The following MAP2K6 variants were observed in gnomAD, a reference collection of about 807,000 sequenced individuals.
MAP2K6 encodes dual specificity mitogen-activated protein kinase kinase 6.
In MAP2K6, 16 loss-of-function variants were observed where a neutral mutation model predicts 53.7. That is an observed-to-expected ratio of 0.30 (90% CI 0.20 to 0.45). The LOEUF is 0.45. MAP2K6 is among the 20% of genes least tolerant of loss of function. The pLI, the probability that MAP2K6 is intolerant of heterozygous loss-of-function variation, is 1.00. For missense variants in MAP2K6, 204 were observed against 411.9 expected, an observed-to-expected ratio of 0.50 and a Z score of 4.37; for synonymous variants, 132 against 143.1, an observed-to-expected ratio of 0.92 and a Z score of 0.55.
intron 1 of MAP2K6, among the ~76,000 whole-genome samples, chr17:69,456,992 C>T (rs866863468): frequency 5.3e-5 from 8 of 152,320 alleles, no homozygotes; most frequent in Middle Eastern, 6.8e-3. Context: ...GCCGTGCATA[C>T]GGAATCCTCT....
intron 1 of MAP2K6, among the ~76,000 whole-genome samples, chr17:69,479,630 C>T (rs1429371021): frequency 6.6e-6 from 1 of 151,832 alleles, no homozygotes; most frequent in African/African-American, 2.4e-5. Context: ...AGAATCTGAG[C>T]AATGACTTGG....
At position 69,437,382 on chromosome 17, in the gene MAP2K6, C is replaced by T. The variant is rs374410920; in HGVS notation, c.16+22382C>T. Among the ~76,000 whole-genome samples the T allele has an allele frequency of 5.1e-4, 77 of 151,862 alleles. 3 individuals carry two copies. In the South Asian group the frequency reaches 0.015, roughly 30 times the overall value. On this transcript the variant is annotated intron_variant, in intron 1 of 11. Transcript: ENST00000590474. ...CCTCATCGTCTTCACATTGAGTAGG[C>T]TAAGGAGGAGGAGGAAGAAGAGGGG... is the stretch of plus-strand genomic sequence containing the variant.
chr17:69,541,582 A>C, intron 11 of MAP2K6, 94 bp from the exon 12 acceptor site: 3 of 914,406 alleles, frequency 3.3e-6, no homozygotes, highest in Non-Finnish European at 5.1e-6. Flanking sequence ...AGGGATACTT[A>C]ATCCCTGTAC....
chr17:69,489,056 A>G (rs1252557563), intron 1 of MAP2K6, among the ~76,000 whole-genome samples: 1 of 152,032 alleles, frequency 6.6e-6, no homozygotes, highest in East Asian at 1.9e-4. Flanking sequence ...CCCCGTCTCT[A>G]GTAAAAATAC....
intron 8 of MAP2K6, 100 bp from the exon 9 acceptor site, chr17:69,524,801 C>T (rs1419343740): frequency 2.5e-6 from 2 of 808,428 alleles, no homozygotes; most frequent in Non-Finnish European, 4.2e-6. Context: ...TATAACAACT[C>T]ACTTGGCAGC....
chr17:69,504,986 T>C (rs1288384278), intron 1 of MAP2K6, among the ~76,000 whole-genome samples: 1 of 152,122 alleles, frequency 6.6e-6, no homozygotes, highest in Non-Finnish European at 1.5e-5. Flanking sequence ...TTTTTTATTC[T>C]ACTTCCATTG....
Position 69,493,021 on chromosome 17 carries a change from C to T in MAP2K6, c.17-12759C>T, listed in dbSNP as rs550387898. Among the ~76,000 whole-genome samples, 10 of 152,142 alleles carry T rather than the reference C, an allele frequency of 6.6e-5. No homozygotes were observed. In the South Asian group the frequency reaches 8.3e-4, roughly 13 times the overall value. ...ATTGTGAAAAGCAAGAAAGAATTCT[C>T]TTAAAGTGAGGATCAAATGAAGATG... On this transcript the variant is annotated intron_variant, in intron 1 of 11. Transcript: ENST00000590474.
intron 10 of MAP2K6, among the ~76,000 whole-genome samples, chr17:69,533,740 T>G (rs1911209684): frequency 6.6e-6 from 1 of 151,878 alleles, no homozygotes; most frequent in Non-Finnish European, 1.5e-5. Context: ...TGTTTGTTTT[T>G]TTTTTTTTTT....
At chr17:69,468,130 C>T (rs776284596) in intron 1 of MAP2K6, among the ~76,000 whole-genome samples, 10 of 152,194 alleles carry the variant, frequency 6.6e-5, no homozygotes, top group Non-Finnish European at 1.2e-4. Flanking sequence ...CACCCCTTCC[C>T]GCATTCCTAG....
intron 1 of MAP2K6, among the ~76,000 whole-genome samples, chr17:69,488,922 T>C (rs1230826361): frequency 1.3e-5 from 2 of 151,834 alleles, no homozygotes; most frequent in East Asian, 3.9e-4. Context: ...AAAACTGCAG[T>C]TATAGAAATA....
chr17:69,419,336 A>G (rs955498609), intron 1 of MAP2K6, among the ~76,000 whole-genome samples: 1 of 152,196 alleles, frequency 6.6e-6, no homozygotes, highest in Non-Finnish European at 1.5e-5. Context: ...ATATATTGCT[A>G]AATTGCCCTT....
At chr17:69,452,873 A>G (rs1182038987) in intron 1 of MAP2K6, among the ~76,000 whole-genome samples, 1 of 152,248 alleles carries the variant, frequency 6.6e-6, no homozygotes, top group Admixed American at 6.5e-5. Context: ...GCATAATATA[A>G]AATGTCTTTG....
chr17:69,446,053 G>T (rs961078556), intron 1 of MAP2K6, among the ~76,000 whole-genome samples: 2 of 152,168 alleles, frequency 1.3e-5, no homozygotes, highest in African/African-American at 4.8e-5. Flanking sequence ...TTTTAAGCAA[G>T]AAAAGAAGTG....
chr17:69,509,292 A>T (rs866045497), intron 2 of MAP2K6, among the ~76,000 whole-genome samples: 2 of 152,228 alleles, frequency 1.3e-5, no homozygotes, highest in South Asian at 2.1e-4. Context: ...CAGCATTTTT[A>T]TAATACAATT....
At chr17:69,465,490 A>C (rs1907764607) in intron 1 of MAP2K6, among the ~76,000 whole-genome samples, 1 of 152,164 alleles carries the variant, frequency 6.6e-6, no homozygotes, top group Non-Finnish European at 1.5e-5. Flanking sequence ...CCTACTGTAC[A>C]CTTGGCAGCA....
Position 69,547,892 on chromosome 17 carries a change from G to A in MAP2K6, c.*6139G>A, listed in dbSNP as rs1189852694. ...CTGTAGTGTGGTTTATACACAAGGA[G>A]AATCACGAACCCAGACACTAGTCAA... is the stretch of plus-strand genomic sequence containing the variant. On this transcript the variant is annotated 3_prime_UTR_variant, in exon 12 of 12. Transcript: ENST00000590474. The A allele has an allele frequency of 6.6e-6, 1 of 152,138 alleles. No individual in the cohort carries two copies. The highest frequency in any genetic ancestry group is 1.5e-5 in the Non-Finnish European group (1 of 68,032). The allele number at this position is 152,138 out of a possible 1,614,324, so 9.4% of individuals were successfully genotyped here. A position where few individuals can be genotyped will look rare whatever the true frequency, so the allele number is the denominator to read the frequency against.
At chr17:69,537,118 T>C (rs16974184) in intron 11 of MAP2K6, among the ~76,000 whole-genome samples, 30,968 of 152,044 alleles carry the variant, frequency 0.2, 3,665 homozygotes, top group African/African-American at 0.32. Context: ...AAAACTCTGG[T>C]AACTACAATT....
rs1912115301 is a variant in MAP2K6, at chr17:69,551,918, G to A, written c.*10165G>A. 1 of 152,146 alleles carries A rather than the reference G, an allele frequency of 6.6e-6. No individual in the cohort carries two copies. The highest frequency in any genetic ancestry group is 6.5e-5 in the Admixed American group (1 of 15,270). The allele number at this position is 152,146 out of a possible 1,614,324, so 9.4% of individuals were successfully genotyped here. A position where few individuals can be genotyped will look rare whatever the true frequency, so the allele number is the denominator to read the frequency against. On this transcript the variant is annotated 3_prime_UTR_variant, in exon 12 of 12. Transcript: ENST00000590474. The stretch of plus-strand genomic sequence containing the variant: ...CTATATATTTTGTGAAAATCTTGAT[G>A]AGACACTAGAATTTCTTTATGGAAT...
At chr17:69,418,115 C>T (rs904341971) in intron 1 of MAP2K6, among the ~76,000 whole-genome samples, 5 of 152,150 alleles carry the variant, frequency 3.3e-5, no homozygotes, top group Non-Finnish European at 5.9e-5. Context: ...TTGTACCAGA[C>T]GGACTTGTCA....
Sources: allele counts gnomAD v4.1 joint callset (sites outside exome capture counted in the v4.1 genomes callset), GRCh38; gene constraint gnomAD v4.1.1; transcripts MANE v1.5; gene names NCBI Gene and HGNC (gene_info 2026-07-23, HGNC 2026-07-21).